Variants in CLPB observed in about 807,000 individuals in gnomAD.
CLPB encodes the protein mitochondrial disaggregase.
CLPB carries 40 observed loss-of-function variants against 78.4 expected under a neutral mutation model. The observed-to-expected ratio is 0.51, with a 90% CI of 0.40 to 0.66. The LOEUF (loss-of-function observed/expected upper bound fraction) is 0.66. Ranked by LOEUF, CLPB falls within the 30% of genes least tolerant of loss-of-function variation. The probability of loss-of-function intolerance (pLI) is 0.00; values close to 1 mark genes in which losing one functional copy is unlikely to be tolerated. For synonymous variants in CLPB, 333 were observed against 348.0 expected (o/e 0.96, Z 0.48); for missense variants, 780 against 886.9 (o/e 0.88, Z 1.53).
At position 72,430,315 on chromosome 11, in the gene CLPB, C is replaced by G; in HGVS notation, c.452G>C (p.Ser151Thr). ...CAAGGCCTGGGGTTCAACTCACCTGCTGACTTCTTGCATATTGTTGGCACG... is the reference window on the plus strand; with the variant it reads ...CAAGGCCTGGGGTTCAACTCACCTGGTGACTTCTTGCATATTGTTGGCACG... ...AARANNMQEV[S>T]RLLSEGADVN... is the part of the protein sequence containing the mutation. The change falls in exon 2 of 16, where the codon AGC (serine) becomes ACC (threonine). Residue 151 changes from serine (S) to threonine (T), a missense_variant. Coordinates refer to ENST00000538039, the MANE Select transcript of CLPB (RefSeq NM_001258392.3). The G allele has an allele frequency of 6.2e-7, 1 of 1,613,090 alleles. No individual in the cohort carries two copies. Among genetic ancestry groups the G allele is most frequent in the South Asian group, 1.1e-5 (1 of 90,628 alleles).
At chr11:72,386,498 G>A (rs1306182534) in intron 3 of CLPB, among the ~76,000 whole-genome samples, 1 of 152,076 alleles carries the variant, frequency 6.6e-6, no homozygotes, top group Non-Finnish European at 1.5e-5. Flanking sequence ...GGTTTCCCAC[G>A]TACCATTTGG....
intron 1 of CLPB, among the ~76,000 whole-genome samples, chr11:72,431,165 C>T (rs1033159547): frequency 1.3e-5 from 2 of 152,194 alleles, no homozygotes; most frequent in African/African-American, 4.8e-5. Flanking sequence ...TTGCCACCAC[C>T]TTGTGGCCAT....
intron 6 of CLPB, among the ~76,000 whole-genome samples, chr11:72,329,325 G>C (rs532325790): frequency 3.3e-5 from 5 of 152,184 alleles, no homozygotes. Flanking sequence ...TAGAATACAT[G>C]AGGCCTAGGA....
intron 2 of CLPB, among the ~76,000 whole-genome samples, chr11:72,413,443 C>T (rs1038782782): frequency 3.9e-5 from 6 of 152,130 alleles, no homozygotes; most frequent in African/African-American, 1.4e-4. Context: ...CCTTTACCTC[C>T]AAATACTTCA....
chr11:72,409,338 C>G (rs1855806178), intron 2 of CLPB, among the ~76,000 whole-genome samples: 1 of 152,138 alleles, frequency 6.6e-6, no homozygotes, highest in East Asian at 1.9e-4. Flanking sequence ...AATCCCAGCA[C>G]TTTGAGAGGC....
chr11:72,392,982 C>T (rs778064993), intron 3 of CLPB, among the ~76,000 whole-genome samples: 2 of 152,152 alleles, frequency 1.3e-5, no homozygotes, highest in Non-Finnish European at 2.9e-5. Flanking sequence ...GTCATAGCAG[C>T]TAGCTGGGAT....
Position 72,312,673 on chromosome 11 carries a change from G to A in CLPB, c.989-4069C>T, listed in dbSNP as rs577891400. 1.3e-5 allele frequency among the ~76,000 whole-genome samples: 2 copies of A among 152,296 alleles called. No individual in the cohort carries two copies. The highest frequency in any genetic ancestry group is 1.3e-4 in the Admixed American group (2 of 15,306). ...TAGACTTGAGTCTCTTAGTGCCCCA[G>A]GTAGTTACTACCACTCTTGCATGAA... On this transcript the variant is annotated intron_variant, in intron 7 of 15. Coordinates refer to ENST00000538039, the MANE Select transcript of CLPB (RefSeq NM_001258392.3). This position sits in a 1 kb window ranked among gnomAD's most constrained non-coding sequence, Gnocchi z 4.2.
intron 5 of CLPB, among the ~76,000 whole-genome samples, chr11:72,341,683 C>G (rs1356845119): frequency 1.2e-4 from 18 of 152,160 alleles, no homozygotes; most frequent in Admixed American, 1.2e-3. Flanking sequence ...GTTCCTGTCT[C>G]CCAGGCCTAC....
At chr11:72,403,277 T>G (rs1439263889) in intron 2 of CLPB, among the ~76,000 whole-genome samples, 5 of 152,116 alleles carry the variant, frequency 3.3e-5, no homozygotes, top group Non-Finnish European at 5.9e-5. Context: ...CTCTGGCCAT[T>G]CTGTCCCATC....
intron 5 of CLPB, 152 bp downstream of exon 5, chr11:72,358,728 C>T: frequency 2.9e-6 from 2 of 693,118 alleles, no homozygotes; most frequent in Non-Finnish European, 4.8e-6. Flanking sequence ...AGGAGGATAA[C>T]AGGGCTCTGG....
At chr11:72,361,359 T>C (rs1428008365) in intron 4 of CLPB, among the ~76,000 whole-genome samples, 1 of 152,042 alleles carries the variant, frequency 6.6e-6, no homozygotes, top group Non-Finnish European at 1.5e-5. Flanking sequence ...ACAAGTCCCA[T>C]GTGCAATGGC....
At chr11:72,373,965 A>C (rs2135661321) in intron 4 of CLPB, among the ~76,000 whole-genome samples, 1 of 150,090 alleles carries the variant, frequency 6.7e-6, no homozygotes, top group South Asian at 2.1e-4. Context: ...TGTCTCAAAA[A>C]AAAAAAAAAA....
At chr11:72,362,986 A>G (rs1590848334) in intron 4 of CLPB, among the ~76,000 whole-genome samples, 1 of 151,902 alleles carries the variant, frequency 6.6e-6, no homozygotes, top group Admixed American at 6.6e-5. Context: ...CGAAACACCA[A>G]CTCTACAAAA....
At chr11:72,420,498 GAA>G (rs546331590) in intron 2 of CLPB, among the ~76,000 whole-genome samples, 1 of 142,626 alleles carries the variant, frequency 7.0e-6, no homozygotes, top group Non-Finnish European at 1.5e-5. Flanking sequence ...CATCTCAGGG[GAA>G]AAAAAAAAAA....
intron 6 of CLPB, among the ~76,000 whole-genome samples, chr11:72,320,050 G>C (rs1950018238): frequency 6.6e-6 from 1 of 152,232 alleles, no homozygotes. Flanking sequence ...TAGGTCTGCA[G>C]GGTGCAGTCT....
At chr11:72,304,975 T>TA (rs564596088) in intron 9 of CLPB, among the ~76,000 whole-genome samples, 162 of 152,214 alleles carry the variant, frequency 1.1e-3, no homozygotes, top group Non-Finnish European at 2.0e-3. Flanking sequence ...GTCATGTGGC[T>TA]ATAAAGTGTC....
At chr11:72,334,312 T>A (rs746897881) in intron 5 of CLPB, among the ~76,000 whole-genome samples, 1 of 152,146 alleles carries the variant, frequency 6.6e-6, no homozygotes, top group Non-Finnish European at 1.5e-5. Flanking sequence ...GTACGGCGCC[T>A]GTCTCCAGCC....
intron 1 of CLPB, among the ~76,000 whole-genome samples, chr11:72,431,982 C>T (rs893341468): frequency 2.0e-5 from 3 of 152,184 alleles, no homozygotes; most frequent in Non-Finnish European, 4.4e-5. Context: ...TTAGGCAAGA[C>T]CTCACCAAAT....
intron 2 of CLPB, among the ~76,000 whole-genome samples, chr11:72,416,595 GC>G (rs1856031239): frequency 6.6e-6 from 1 of 151,946 alleles, no homozygotes; most frequent in South Asian, 2.1e-4. Context: ...AATTAGCCAG[GC>G]ATGGTGGCAC....
Sources: allele counts gnomAD v4.1 joint callset (sites outside exome capture counted in the v4.1 genomes callset), GRCh38; gene constraint gnomAD v4.1.1; non-coding constraint Gnocchi (gnomAD v3.1); transcripts MANE v1.5; gene names NCBI Gene and HGNC (gene_info 2026-07-23, HGNC 2026-07-21).